Variants in MED12L observed in about 807,000 individuals in gnomAD.
MED12L encodes mediator of RNA polymerase II transcription subunit 12-like protein.
In MED12L, 60 loss-of-function variants were observed where a neutral mutation model predicts 281.3. The ratio of observed to expected loss-of-function variants is 0.21; its 90% CI spans 0.17 to 0.26. The LOEUF (loss-of-function observed/expected upper bound fraction) is 0.26, where lower values mean the gene tolerates loss of function less well. Ranked by LOEUF, MED12L falls within the 10% of genes least tolerant of loss-of-function variation. The probability of loss-of-function intolerance (pLI) is 1.00; values close to 1 mark genes in which losing one functional copy is unlikely to be tolerated. For synonymous variants in MED12L, 974 were observed against 987.2 expected (o/e 0.99, Z 0.25); for missense variants, 2,146 against 2,680.9 (o/e 0.80, Z 4.41).
intron 12 of MED12L, among the ~76,000 whole-genome samples, chr3:151,187,221 G>C (rs1723403743): frequency 6.6e-6 from 1 of 152,196 alleles, no homozygotes; most frequent in Non-Finnish European, 1.5e-5. Context: ...ATTCTGTGGT[G>C]AATTGCAGTC....
chr3:151,154,514 A>G lies in MED12L; in HGVS notation c.557-1647A>G, dbSNP rs138375514. The stretch of plus-strand genomic sequence containing the variant: ...CGCGTATTTCTCCTATATTTTAAAA[A>G]ATCTTAAAAAGGAGATATACCCTAG... On this transcript the variant is annotated intron_variant, in intron 5 of 44. Transcript: ENST00000687756. 1.7e-3 allele frequency among the ~76,000 whole-genome samples: 264 copies of G among 152,332 alleles called. 2 individuals are homozygous for G. Among genetic ancestry groups the G allele is most frequent in the African/African-American group, 6.0e-3 (251 of 41,580 alleles).
At chr3:151,417,523 C>G (rs561927208) in intron 43 of MED12L, among the ~76,000 whole-genome samples, 5 of 118,420 alleles carry the variant, frequency 4.2e-5, no homozygotes, top group East Asian at 3.0e-4. Context: ...GAATCTCACT[C>G]GATCACTCAA....
chr3:151,237,602 C>T (rs1249035290), intron 16 of MED12L, among the ~76,000 whole-genome samples: 6 of 151,986 alleles, frequency 3.9e-5, no homozygotes, highest in African/African-American at 7.2e-5. Flanking sequence ...CTGCCCGCCT[C>T]GGCCTCCCAA....
chr3:151,282,265 A>G (rs1041869720), intron 16 of MED12L, among the ~76,000 whole-genome samples: 1 of 152,100 alleles, frequency 6.6e-6, no homozygotes, highest in South Asian at 2.1e-4. Context: ...ATCAGTACCT[A>G]TTGATGGATT....
chr3:151,175,387 A>T (rs1363048800), intron 11 of MED12L, among the ~76,000 whole-genome samples: 1 of 152,220 alleles, frequency 6.6e-6, no homozygotes, highest in African/African-American at 2.4e-5. Flanking sequence ...TAAGAGCTTT[A>T]TTCAGTATCT....
rs765905861 is a variant in MED12L, at chr3:151,300,084, G to A, written c.2251-49975G>A. 43 of 1,606,406 alleles carry A rather than the reference G, an allele frequency of 2.7e-5. No individual in the cohort carries two copies. The highest frequency in any genetic ancestry group is 1.3e-4 in the South Asian group (12 of 90,922). On this transcript the variant is annotated intron_variant, in intron 16 of 44. Coordinates refer to ENST00000687756, the MANE Select transcript of MED12L (RefSeq NM_001393769.1). Reference sequence around the variant, plus strand: ...CGGCTTACTTGGTAATTTTGCAAGCGTCAAGTTGAACCCCATTCTTCAGTT... The same window carrying A: ...CGGCTTACTTGGTAATTTTGCAAGCATCAAGTTGAACCCCATTCTTCAGTT...
chr3:151,355,188 C>T lies in MED12L; in HGVS notation c.2466C>T (p.Phe822=), dbSNP rs771611542. The part of the protein sequence containing the change: ...QETFPTLETV[F]TKLQLLSYFD... ...CATTTCCAACACTGGAGACTGTGTT[C>T]ACTAAACTCCAGCTCCTTTCATATT... The change falls in exon 18 of 45, where the codon TTC becomes TTT. Residue 822 remains phenylalanine, a synonymous_variant. Transcript: ENST00000687756. 6.2e-7 allele frequency: 1 copy of T among 1,613,902 alleles called. No individual in the cohort carries two copies. Among genetic ancestry groups the T allele is most frequent in the South Asian group, 1.1e-5 (1 of 91,066 alleles).
intron 4 of MED12L, among the ~76,000 whole-genome samples, chr3:151,123,762 C>G (rs1714105579): frequency 6.6e-6 from 1 of 152,124 alleles, no homozygotes; most frequent in African/African-American, 2.4e-5. Context: ...TTTTCCTTAC[C>G]AGCTTGGTAC....
intron 16 of MED12L, among the ~76,000 whole-genome samples, chr3:151,197,118 G>A (rs1253748357): frequency 6.6e-6 from 1 of 152,100 alleles, no homozygotes; most frequent in East Asian, 1.9e-4. Flanking sequence ...GATCAGAGTT[G>A]TGACTCTGAG....
chr3:151,240,663 A>C (rs1733893409), intron 16 of MED12L, among the ~76,000 whole-genome samples: 1 of 152,256 alleles, frequency 6.6e-6, no homozygotes, highest in South Asian at 2.1e-4. Context: ...TGAAAATCTG[A>C]GTCCCAATAA....
chr3:151,137,055 AGGAG>A (rs1365148969), intron 5 of MED12L, among the ~76,000 whole-genome samples: 1 of 151,390 alleles, frequency 6.6e-6, no homozygotes, highest in Non-Finnish European at 1.5e-5. Flanking sequence ...CCAGCTACTC[AGGAG>A]GCTGAGGCAG....
intron 16 of MED12L, chr3:151,340,497 A>G (rs1751674249): frequency 6.6e-6 from 1 of 152,614 alleles, no homozygotes; most frequent in East Asian, 1.9e-4. Flanking sequence ...ATTGATAGTT[A>G]TTAAGGTTTA....
chr3:151,173,130 T>A (rs549501173), intron 11 of MED12L, among the ~76,000 whole-genome samples: 68 of 152,210 alleles, frequency 4.5e-4, no homozygotes, highest in Non-Finnish European at 7.8e-4. Flanking sequence ...GAGCCCTGTT[T>A]TAGTGTTATG....
Position 151,254,586 on chromosome 3 carries a change from A to G in MED12L, c.2250+60920A>G, listed in dbSNP as rs73869172. Among the ~76,000 whole-genome samples, 1,258 of 152,334 alleles carry G rather than the reference A, an allele frequency of 8.3e-3. 19 individuals carry two copies. The highest frequency in any genetic ancestry group is 0.028 in the African/African-American group (1,182 of 41,576). On this transcript the variant is annotated intron_variant, in intron 16 of 44. Transcript: ENST00000687756. ...CCAAACCTTATTTAATCTAGTTCTTAGCTATACGTGTATGTGTAAGCTTAA... is the reference window on the plus strand; with the variant it reads ...CCAAACCTTATTTAATCTAGTTCTTGGCTATACGTGTATGTGTAAGCTTAA...
Position 151,127,944 on chromosome 3 carries a change from A to G in MED12L, c.516A>G (p.Glu172=). The G allele has an allele frequency of 6.2e-7, 1 of 1,613,926 alleles. No individual in the cohort carries two copies. Among genetic ancestry groups the G allele is most frequent in the East Asian group, 2.2e-5 (1 of 44,878 alleles). The part of the protein sequence containing the change: ...MTCAYYSAIS[E]AKIKKRQAPD... ...GTGCCTATTATTCTGCTATATCTGA[A>G]GCTAAAATTAAGAAACGTCAGGCTC... The change falls in exon 5 of 45, where the codon GAA becomes GAG. Residue 172 remains glutamate (E), a synonymous_variant. Transcript: ENST00000687756.
chr3:151,245,309 A>G (rs1735164444), intron 16 of MED12L, among the ~76,000 whole-genome samples: 1 of 152,228 alleles, frequency 6.6e-6, no homozygotes, highest in Non-Finnish European at 1.5e-5. Context: ...GGGCAGAGAC[A>G]CAACCAACAA....
At chr3:151,350,828 T>A (rs1753138702) in intron 17 of MED12L, among the ~76,000 whole-genome samples, 1 of 152,238 alleles carries the variant, frequency 6.6e-6, no homozygotes, top group African/African-American at 2.4e-5. Context: ...GTTTTTACAG[T>A]GAAGCTGTGC....
intron 16 of MED12L, among the ~76,000 whole-genome samples, chr3:151,243,865 GA>G (rs1470668937): frequency 1.3e-5 from 2 of 149,964 alleles, no homozygotes; most frequent in East Asian, 3.9e-4. Flanking sequence ...CTGTATTCAG[GA>G]AACCCATCTC....
At chr3:151,107,886 G>A (rs1442768324) in intron 2 of MED12L, among the ~76,000 whole-genome samples, 1 of 152,136 alleles carries the variant, frequency 6.6e-6, no homozygotes, top group African/African-American at 2.4e-5. Flanking sequence ...GCAGATCCAT[G>A]TGACTCGCAC....
Sources: gnomAD v4.1 joint callset for allele counts (sites outside exome capture counted in the v4.1 genomes callset) on GRCh38, gnomAD v4.1.1 for gene constraint, MANE v1.5 for transcripts, NCBI Gene and HGNC (gene_info 2026-07-23, HGNC 2026-07-21) for gene names.